Variants in CBLL1 observed in about 807,000 individuals in gnomAD.
The protein encoded by CBLL1 is E3 ubiquitin-protein ligase Hakai.
CBLL1 carries 4 observed loss-of-function variants against 44.9 expected under a neutral mutation model. That is an observed-to-expected ratio of 0.09 (90% CI 0.04 to 0.20). CBLL1 has a LOEUF of 0.20. Ranked by LOEUF, CBLL1 falls within the 10% of genes least tolerant of loss-of-function variation. The pLI, the probability that CBLL1 is intolerant of heterozygous loss-of-function variation, is 1.00. For missense variants in CBLL1, 569 were observed against 636.7 expected, an observed-to-expected ratio of 0.89 and a Z score of 1.14; for synonymous variants, 235 against 202.2, an observed-to-expected ratio of 1.16 and a Z score of -1.38.
rs1401731027 is a variant in CBLL1 at position 107,755,216 on chromosome 7, G to T, written c.367-202G>T. Among the ~76,000 whole-genome samples the T allele has an allele frequency of 3.9e-5, 6 of 152,110 alleles. No individual in the cohort carries two copies. The East Asian group carries it at 1.2e-3, about 29-fold the overall frequency. ...GCAAATGCATGTGTGTACATTTATT[G>T]GGAAAAGAGCCATAGTTTTTGTCAT... On this transcript the variant is annotated intron_variant, in intron 4 of 5. Coordinates refer to ENST00000440859, the MANE Select transcript of CBLL1 (RefSeq NM_024814.4).
At position 107,744,189 on chromosome 7, in the gene CBLL1, A is replaced by G. The variant is rs1266217040; in HGVS notation, c.13+13A>G. On this transcript the variant is annotated intron_variant, in intron 1 of 5. Transcript: ENST00000440859. ...ATGGATCACACTGGTAAGGAGGCGGAGGCAGTGGGGGTCCCGGTTCCAAGC... is the reference window on the plus strand; with the variant it reads ...ATGGATCACACTGGTAAGGAGGCGGGGGCAGTGGGGGTCCCGGTTCCAAGC... The G allele has an allele frequency of 6.5e-7, 1 of 1,548,568 alleles. No homozygotes were observed. Among genetic ancestry groups the G allele is most frequent in the Admixed American group, 2.0e-5 (1 of 50,268 alleles).
intron 2 of CBLL1, among the ~76,000 whole-genome samples, chr7:107,750,551 G>A (rs1291486159): frequency 2.6e-5 from 4 of 152,038 alleles, no homozygotes; most frequent in East Asian, 1.9e-4. Flanking sequence ...TGATCCGCCC[G>A]CATCGGCCTC....
At chr7:107,745,149 A>G (rs1450532899) in intron 1 of CBLL1, among the ~76,000 whole-genome samples, 1 of 152,244 alleles carries the variant, frequency 6.6e-6, no homozygotes, top group Non-Finnish European at 1.5e-5. Flanking sequence ...GGTCCGTGAT[A>G]GAACTTCTGT....
intron 1 of CBLL1, among the ~76,000 whole-genome samples, chr7:107,747,390 T>C (rs923064374): frequency 1.3e-5 from 2 of 152,254 alleles, no homozygotes; most frequent in African/African-American, 4.8e-5. Flanking sequence ...AGCATTGAAC[T>C]GATTATATGT....
rs1053951313 is a variant in CBLL1, at chr7:107,760,442, G to C, written c.*1264G>C. The C allele has an allele frequency of 6.6e-6, 1 of 152,172 alleles. No individual in the cohort carries two copies. Among genetic ancestry groups the C allele is most frequent in the Non-Finnish European group, 1.5e-5 (1 of 67,944 alleles). 9.4% of individuals were successfully genotyped at this position (152,172 alleles called of 1,614,324 possible). A position where few individuals can be genotyped will look rare whatever the true frequency, so the allele number is the denominator to read the frequency against. On this transcript the variant is annotated 3_prime_UTR_variant, in exon 6 of 6. Transcript: ENST00000440859. ...CCAGATAATTTTGTATTGGAGAAGAGGAAATAACAGCTAAATTGTGGATTT... is the reference window on the plus strand; with the variant it reads ...CCAGATAATTTTGTATTGGAGAAGACGAAATAACAGCTAAATTGTGGATTT...
Position 107,759,358 on chromosome 7 carries a change from C to G in CBLL1, c.*180C>G, listed in dbSNP as rs1021253970. The G allele has an allele frequency of 8.9e-6, 5 of 563,226 alleles. No individual in the cohort carries two copies. In the Admixed American group the frequency reaches 1.4e-4, roughly 15 times the overall value. 34.9% of individuals were successfully genotyped at this position (563,226 alleles called of 1,614,324 possible). A position where few individuals can be genotyped will look rare whatever the true frequency, so the allele number is the denominator to read the frequency against. On this transcript the variant is annotated 3_prime_UTR_variant, in exon 6 of 6. Coordinates refer to ENST00000440859, the MANE Select transcript of CBLL1 (RefSeq NM_024814.4). The stretch of plus-strand genomic sequence containing the variant: ...CTTAAGATTGATTTCAAGTACCATA[C>G]TGTAGTACAGATAAGTGGCTCAGTT...
rs558169556 is a variant in CBLL1 at position 107,760,913 on chromosome 7, A to G, written c.*1735A>G. The G allele has an allele frequency of 6.6e-6, 1 of 152,254 alleles. No homozygotes were observed. The highest frequency in any genetic ancestry group is 2.1e-4 in the South Asian group (1 of 4,818). The allele number at this position is 152,254 out of a possible 1,614,324, so 9.4% of individuals were successfully genotyped here. A position where few individuals can be genotyped will look rare whatever the true frequency, so the allele number is the denominator to read the frequency against. ...AATAACTAATAAACTTTTTTGTTTTAAGTCAGGCAAGTGATTTTCTACATT... is the reference window on the plus strand; with the variant it reads ...AATAACTAATAAACTTTTTTGTTTTGAGTCAGGCAAGTGATTTTCTACATT... On this transcript the variant is annotated 3_prime_UTR_variant, in exon 6 of 6. Transcript: ENST00000440859.
At chr7:107,752,316 CTT>C (rs953895178) in intron 2 of CBLL1, among the ~76,000 whole-genome samples, 2 of 151,870 alleles carry the variant, frequency 1.3e-5, no homozygotes, top group African/African-American at 2.4e-5. Flanking sequence ...TCAGGTGTAA[CTT>C]ATAAGAGCAT....
chr7:107,744,531 G>C, intron 1 of CBLL1: 1 of 305,734 alleles, frequency 3.3e-6, no homozygotes, highest in Non-Finnish European at 6.0e-6. Flanking sequence ...GGTAGATTGC[G>C]GTCTCCGAGT....
At chr7:107,754,386 G>T (rs1175455969) in intron 4 of CBLL1, among the ~76,000 whole-genome samples, 1 of 151,710 alleles carries the variant, frequency 6.6e-6, no homozygotes, top group Non-Finnish European at 1.5e-5. Flanking sequence ...GCTCAGAGAG[G>T]CTTAATAGTA....
chr7:107,752,541 C>G, intron 2 of CBLL1: 1 of 1,288,706 alleles, frequency 7.8e-7, no homozygotes, highest in Non-Finnish European at 1.0e-6. Flanking sequence ...ACTCTGTTTA[C>G]CAGTTCTAGG....
rs138803921 is a variant in CBLL1 at position 107,758,694 on chromosome 7, C to T, written c.992C>T (p.Pro331Leu). The change falls in exon 6 of 6, where the codon CCT becomes CTT. Residue 331 changes from proline to leucine, a missense_variant. This residue lies in a region of CBLL1 where 228 missense variants were observed against 253.2 expected (regional missense o/e 0.90). Transcript: ENST00000440859. This position sits in a 1 kb window ranked among gnomAD's most constrained non-coding sequence, Gnocchi z 4.2. ...EYQGQPVVSH[P>L]HHIMPPQQHY... is the part of the protein sequence containing the mutation. ...CAGGGTCAACCAGTGGTATCGCACC[C>T]TCATCATATTATGCCTCCACAGCAA... 2 of 1,613,978 alleles carry T rather than the reference C, an allele frequency of 1.2e-6. No individual in the cohort carries two copies. Among genetic ancestry groups the T allele is most frequent in the Non-Finnish European group, 8.5e-7 (1 of 1,179,998 alleles).
At chr7:107,754,320 A>T in intron 4 of CBLL1, 1 of 155,582 alleles carries the variant, frequency 6.4e-6, no homozygotes, top group Non-Finnish European at 1.4e-5. Flanking sequence ...TGAAGGCCAC[A>T]ATTTTTTACA....
In CBLL1 at chr7:107,758,837, T is replaced by C. The variant is rs1170187527; in HGVS notation, c.1135T>C (p.Ser379Pro). The C allele has an allele frequency of 1.2e-6, 2 of 1,613,712 alleles. No homozygotes were observed. Among genetic ancestry groups the C allele is most frequent in the South Asian group, 2.2e-5 (2 of 91,046 alleles). ...YSQAPPPPMT[S>P]APPPITPPPG... is the part of the protein sequence containing the mutation. ...CCAAGCTCCACCTCCACCAATGACCTCTGCTCCACCACCAATAACCCCTCC... is the reference window on the plus strand; with the variant it reads ...CCAAGCTCCACCTCCACCAATGACCCCTGCTCCACCACCAATAACCCCTCC... Residue 379 changes from serine (S) to proline (P), a missense_variant, in exon 6 of 6, where the codon TCT becomes CCT. Around this residue, in one of 5 missense-constraint regions of CBLL1, gnomAD observed 228 missense variants for 253.2 expected, o/e 0.90. Coordinates refer to ENST00000440859, the MANE Select transcript of CBLL1 (RefSeq NM_024814.4). This position sits in a 1 kb window ranked among gnomAD's most constrained non-coding sequence, Gnocchi z 4.2.
chr7:107,759,989 T>G lies in CBLL1; in HGVS notation c.*811T>G, dbSNP rs1042472617. Reference sequence around the variant, plus strand: ...TACTCATTAATGCTTTTTTACTGAATGGTCGGAATCACATATGCACCACAC... The same window carrying G: ...TACTCATTAATGCTTTTTTACTGAAGGGTCGGAATCACATATGCACCACAC... On this transcript the variant is annotated 3_prime_UTR_variant, in exon 6 of 6. Coordinates refer to ENST00000440859, the MANE Select transcript of CBLL1 (RefSeq NM_024814.4). 5.3e-5 allele frequency: 8 copies of G among 152,316 alleles called. No individual in the cohort carries two copies. The highest frequency in any genetic ancestry group is 1.9e-4 in the African/African-American group (8 of 41,448). 9.4% of individuals were successfully genotyped at this position (152,316 alleles called of 1,614,324 possible).
chr7:107,744,286 T>A, intron 1 of CBLL1, 110 bp downstream of exon 1: 1 of 1,273,032 alleles, frequency 7.9e-7, no homozygotes, highest in Non-Finnish European at 1.0e-6. Flanking sequence ...CACTAGGGTG[T>A]GGCAGTGAGA....
intron 1 of CBLL1, among the ~76,000 whole-genome samples, chr7:107,747,452 C>G (rs1319889002): frequency 1.3e-5 from 2 of 152,094 alleles, no homozygotes; most frequent in Non-Finnish European, 2.9e-5. Context: ...ACTTTTTGAG[C>G]AAGGAAAAAA....
At position 107,749,041 on chromosome 7, in the gene CBLL1, G is replaced by A; in HGVS notation, c.175G>A (p.Asp59Asn). The A allele has an allele frequency of 1.2e-6, 2 of 1,613,690 alleles. No individual in the cohort carries two copies. The highest frequency in any genetic ancestry group is 1.7e-6 in the Non-Finnish European group (2 of 1,179,848). ...GATGCCTGCAAAGGCTCCACCTGGT[G>A]ATGAAGGTAATTTGTTTAACTAATA... ...NRMPAKAPPG[D>N]EEGFDYNEEE... Residue 59 changes from aspartate to asparagine, a missense_variant, in exon 2 of 6, where the codon GAT becomes AAT. By Grantham distance (23) the Asp-to-Asn change is conservative. Transcript: ENST00000440859.
chr7:107,749,870 T>G (rs1172013833), intron 2 of CBLL1, among the ~76,000 whole-genome samples: 2 of 152,122 alleles, frequency 1.3e-5, no homozygotes, highest in Non-Finnish European at 2.9e-5. Flanking sequence ...AGATCCTTTC[T>G]TCTGAGTTCT....
Sources: gnomAD v4.1 joint callset for allele counts (sites outside exome capture counted in the v4.1 genomes callset) on GRCh38, gnomAD v4.1.1 for gene constraint, gnomAD v4.1.1 regional missense constraint, Gnocchi (gnomAD v3.1) non-coding constraint, MANE v1.5 for transcripts, NCBI Gene and HGNC (gene_info 2026-07-23, HGNC 2026-07-21) for gene names.